Variants in DCLRE1A observed in about 807,000 individuals in gnomAD.
DCLRE1A encodes the protein DNA cross-link repair 1A.
DCLRE1A carries 64 observed loss-of-function variants against 91.9 expected under a neutral mutation model. The observed-to-expected ratio is 0.70, with a 90% CI of 0.57 to 0.86. The LOEUF (loss-of-function observed/expected upper bound fraction) is 0.86, where lower values mean the gene tolerates loss of function less well. DCLRE1A is among the 40% of genes least tolerant of loss of function. The probability of loss-of-function intolerance (pLI) is 0.00; values close to 1 mark genes in which losing one functional copy is unlikely to be tolerated. For missense variants in DCLRE1A, 1,145 were observed against 1,213.3 expected (o/e 0.94, Z 0.84); for synonymous variants, 416 against 431.1 (o/e 0.96, Z 0.43).
chr10:113,839,663 G>A (rs1322659116), intron 7 of DCLRE1A, among the ~76,000 whole-genome samples: 1 of 152,156 alleles, frequency 6.6e-6, no homozygotes. Flanking sequence ...TGGAGGACAA[G>A]AAGATATAGA....
intron 2 of DCLRE1A, 31 bp downstream of exon 2, chr10:113,848,949 T>G: frequency 6.3e-7 from 1 of 1,575,188 alleles, no homozygotes; most frequent in Non-Finnish European, 8.6e-7. Flanking sequence ...TTGTCTTTGT[T>G]GATATATCGA....
chr10:113,836,395 G>A (rs1845363439), intron 8 of DCLRE1A, among the ~76,000 whole-genome samples: 1 of 152,000 alleles, frequency 6.6e-6, no homozygotes, highest in Admixed American at 6.6e-5. Context: ...TGAGTCAAAT[G>A]TGAAGAATAA....
At chr10:113,842,860 A>G (rs763460851) in intron 5 of DCLRE1A, among the ~76,000 whole-genome samples, 1 of 152,014 alleles carries the variant, frequency 6.6e-6, no homozygotes, top group African/African-American at 2.4e-5. Flanking sequence ...GATAAGGATT[A>G]TATTTGGACT....
intron 7 of DCLRE1A, among the ~76,000 whole-genome samples, chr10:113,839,067 T>C (rs1178326438): frequency 2.0e-5 from 3 of 152,124 alleles, no homozygotes; most frequent in East Asian, 1.9e-4. Flanking sequence ...GGCTCACGCA[T>C]GTATTCCCAG....
At position 113,853,225 on chromosome 10, in the gene DCLRE1A, A is replaced by T; in HGVS notation, c.-43T>A. 6.9e-7 allele frequency: 1 copy of T among 1,448,082 alleles called. No individual in the cohort carries two copies. The highest frequency in any genetic ancestry group is 2.6e-4 in the Middle Eastern group (1 of 3,894). The allele number at this position is 1,448,082 out of a possible 1,614,324, so 89.7% of individuals were successfully genotyped here. On this transcript the variant is annotated 5_prime_UTR_variant, in exon 1 of 9. Coordinates refer to ENST00000361384, the MANE Select transcript of DCLRE1A (RefSeq NM_014881.5). ...ATTCAAGAAGTATTAATCTTAAGTA[A>T]ACTGAAAGTCCATTTCTTGTCACAA...
chr10:113,839,136 T>C (rs1010575242), intron 7 of DCLRE1A, among the ~76,000 whole-genome samples: 4 of 152,010 alleles, frequency 2.6e-5, no homozygotes, highest in Admixed American at 2.6e-4. Context: ...CCATCCTGGC[T>C]AACACGGTGA....
intron 3 of DCLRE1A, among the ~76,000 whole-genome samples, chr10:113,846,628 T>C (rs954801009): frequency 5.3e-5 from 8 of 152,130 alleles, no homozygotes; most frequent in African/African-American, 1.7e-4. Context: ...AGGGGACTGG[T>C]TCCAGGACCC....
chr10:113,834,858 C>T lies in DCLRE1A; in HGVS notation c.*294G>A. On this transcript the variant is annotated 3_prime_UTR_variant, in exon 9 of 9. Coordinates refer to ENST00000361384, the MANE Select transcript of DCLRE1A (RefSeq NM_014881.5). ...TAATTATCATTAATCCTTTTGGTCCCTGAATCTGCCTTTGCTTCCTCTTCT... is the reference window on the plus strand; with the variant it reads ...TAATTATCATTAATCCTTTTGGTCCTTGAATCTGCCTTTGCTTCCTCTTCT... 1 of 233,054 alleles carries T rather than the reference C, an allele frequency of 4.3e-6. No homozygotes were observed. The highest frequency in any genetic ancestry group is 8.7e-5 in the East Asian group (1 of 11,508). The allele number at this position is 233,054 out of a possible 1,614,324, so 14.4% of individuals were successfully genotyped here. A position where few individuals can be genotyped will look rare whatever the true frequency, so the allele number is the denominator to read the frequency against.
chr10:113,849,858 C>T lies in DCLRE1A; in HGVS notation c.1247G>A (p.Gly416Glu), dbSNP rs1258190842. 1 of 1,613,984 alleles carries T rather than the reference C, an allele frequency of 6.2e-7. No individual in the cohort carries two copies. Among genetic ancestry groups the T allele is most frequent in the Non-Finnish European group, 8.5e-7 (1 of 1,180,014 alleles). The change falls in exon 2 of 9, where the codon GGG becomes GAG. Residue 416 changes from glycine to glutamate, a missense_variant. By Grantham distance (98) the Gly-to-Glu change is moderately conservative. Transcript: ENST00000361384. The stretch of plus-strand genomic sequence containing the variant: ...CTGATGAACAGAAGCAGCAAGCTTC[C>T]CTGCCAATGCAGGTGGAAACAACAC... ...DFVLFPPALA[G>E]KLAASVHQAT...
In DCLRE1A at chr10:113,853,148, T is replaced by TC; in HGVS notation, c.34dup (p.Glu12GlyfsTer5). On this transcript the variant is annotated frameshift_variant, in exon 1 of 9. Transcript: ENST00000361384. LOFTEE classifies it high-confidence loss of function. Reference sequence around the variant, plus strand: ...TTTTGGTTTTCTTTTAGATTTGTATTCCCAAATGTCTTCTTCGGAAATGTC... The same window carrying TC: ...TTTTGGTTTTCTTTTAGATTTGTATTCCCCAAATGTCTTCTTCGGAAATGTC... 1 of 1,582,758 alleles carries TC rather than the reference T, an allele frequency of 6.3e-7. No individual in the cohort carries two copies. The highest frequency in any genetic ancestry group is 8.5e-7 in the Non-Finnish European group (1 of 1,170,646).
At chr10:113,845,907 TTA>T in intron 3 of DCLRE1A, 104 bp from the exon 4 acceptor site, 1 of 983,588 alleles carries the variant, frequency 1.0e-6, no homozygotes, top group Non-Finnish European at 1.6e-6. Flanking sequence ...ATTTTCCTAC[TTA>T]TATTTAAGTA....
rs17228835 is a variant in DCLRE1A at position 113,838,202 on chromosome 10, C to G, written c.2821-999G>C. On this transcript the variant is annotated intron_variant, in intron 7 of 8. Transcript: ENST00000361384. ...CAATATTCTTGGCTCTGCAAATTTG[C>G]AAGTTTTTGCCTTGCTTACTCTAGG... Among the ~76,000 whole-genome samples, 12 of 152,258 alleles carry G rather than the reference C, an allele frequency of 7.9e-5. No individual in the cohort carries two copies. The East Asian group carries it at 1.7e-3, about 22-fold the overall frequency.
chr10:113,848,088 C>T (rs904104347), intron 2 of DCLRE1A, among the ~76,000 whole-genome samples: 5 of 151,902 alleles, frequency 3.3e-5, no homozygotes, highest in Admixed American at 6.6e-5. Flanking sequence ...CCGAGGCGGG[C>T]GGATCACGAA....
At position 113,841,486 on chromosome 10, in the gene DCLRE1A, G is replaced by C. The variant is rs377452937; in HGVS notation, c.2740C>G (p.Pro914Ala). The C allele has an allele frequency of 1.2e-6, 2 of 1,613,404 alleles. No homozygotes were observed. The highest frequency in any genetic ancestry group is 2.2e-5 in the East Asian group (1 of 44,808). ...KYKTLQCLNI[P>A]EINSLITTDM... ...GTAGTGATGAGTGAATTAATTTCTGGTATATTGAGGCACTGTAGAGTTTTA... is the reference window on the plus strand; with the variant it reads ...GTAGTGATGAGTGAATTAATTTCTGCTATATTGAGGCACTGTAGAGTTTTA... The change falls in exon 7 of 9, where the codon CCA becomes GCA. Residue 914 changes from proline to alanine, a missense_variant. Coordinates refer to ENST00000361384, the MANE Select transcript of DCLRE1A (RefSeq NM_014881.5).
At chr10:113,848,913 G>C in intron 2 of DCLRE1A, 67 bp downstream of exon 2, 5 of 1,423,186 alleles carry the variant, frequency 3.5e-6, no homozygotes, top group Non-Finnish European at 4.8e-6. Context: ...ACACACAATG[G>C]GCAATAAACA....
Position 113,835,087 on chromosome 10 carries a change from T to C in DCLRE1A, c.*65A>G, listed in dbSNP as rs1845342414. 2.1e-6 allele frequency: 3 copies of C among 1,456,922 alleles called. No individual in the cohort carries two copies. The highest frequency in any genetic ancestry group is 2.8e-6 in the Non-Finnish European group (3 of 1,069,290). The allele number at this position is 1,456,922 out of a possible 1,614,324, so 90.2% of individuals were successfully genotyped here. ...ACACAAAGTGTATTTCACATTTCTATAGATTTAACTACTAACAAGCTACAT... is the reference window on the plus strand; with the variant it reads ...ACACAAAGTGTATTTCACATTTCTACAGATTTAACTACTAACAAGCTACAT... On this transcript the variant is annotated 3_prime_UTR_variant, in exon 9 of 9. Coordinates refer to ENST00000361384, the MANE Select transcript of DCLRE1A (RefSeq NM_014881.5).
rs1220037916 is a variant in DCLRE1A at position 113,844,211 on chromosome 10, AAG to A, written c.2410_2411del (p.Leu804SerfsTer2). 1 of 1,614,172 alleles carries A rather than the reference AAG, an allele frequency of 6.2e-7. No individual in the cohort carries two copies. Among genetic ancestry groups the A allele is most frequent in the Non-Finnish European group, 8.5e-7 (1 of 1,180,016 alleles). Reference sequence around the variant, plus strand: ...TGTGTAATATGACAGTACCATTAGGAAGATAAAAGAGGATCATGACAGCACCT... The same window carrying A: ...TGTGTAATATGACAGTACCATTAGGAATAAAAGAGGATCATGACAGCACCT... ...CPGAVMILFY[L>X]PNGTVILHTG... On this transcript the variant is annotated frameshift_variant, in exon 5 of 9. Transcript: ENST00000361384. LOFTEE classifies it high-confidence loss of function.
chr10:113,843,497 C>G (rs1251644129), intron 5 of DCLRE1A, among the ~76,000 whole-genome samples: 1 of 152,084 alleles, frequency 6.6e-6, no homozygotes, highest in Non-Finnish European at 1.5e-5. Flanking sequence ...CTCCTTGAAA[C>G]AGGTTGAAAT....
At chr10:113,852,574 A>C in intron 1 of DCLRE1A, 149 bp downstream of exon 1, 51 of 748,580 alleles carry the variant, frequency 6.8e-5, no homozygotes, top group Non-Finnish European at 9.8e-5. Context: ...TTGCTTTACA[A>C]TTATACCGTT....
Sources: allele counts gnomAD v4.1 joint callset (sites outside exome capture counted in the v4.1 genomes callset), GRCh38; gene constraint gnomAD v4.1.1; transcripts MANE v1.5; gene names NCBI Gene and HGNC (gene_info 2026-07-23, HGNC 2026-07-21).